The following FSTL5 variants were observed in gnomAD, a reference collection of about 807,000 sequenced individuals.
The protein encoded by FSTL5 is follistatin like 5.
Under a neutral mutation model 89.1 loss-of-function variants are expected in FSTL5, and 62 were observed. That is an observed-to-expected ratio of 0.70 (90% CI 0.57 to 0.86). The LOEUF is 0.86. Ranked by LOEUF, FSTL5 falls within the 40% of genes least tolerant of loss-of-function variation. The probability of loss-of-function intolerance (pLI) is 0.00; values close to 1 mark genes in which losing one functional copy is unlikely to be tolerated. For missense variants in FSTL5, 1,057 were observed against 1,001.6 expected, an observed-to-expected ratio of 1.06 and a Z score of -0.75; for synonymous variants, 383 against 346.2, an observed-to-expected ratio of 1.11 and a Z score of -1.18.
At chr4:161,765,029 A>G (rs1268202798) in intron 5 of FSTL5, among the ~76,000 whole-genome samples, 1 of 152,196 alleles carries the variant, frequency 6.6e-6, no homozygotes, top group African/African-American at 2.4e-5. Context: ...TTAAGTGATC[A>G]TTGTTGCTCT....
At chr4:161,950,995 C>G (rs1245079192) in intron 3 of FSTL5, among the ~76,000 whole-genome samples, 4 of 152,010 alleles carry the variant, frequency 2.6e-5, no homozygotes, top group Admixed American at 2.6e-4. Context: ...GTAATTCCCA[C>G]ATGTTGTGGA....
chr4:161,938,902 G>A (rs1053407066), intron 3 of FSTL5, among the ~76,000 whole-genome samples: 1 of 151,546 alleles, frequency 6.6e-6, no homozygotes, highest in Non-Finnish European at 1.5e-5. Context: ...CATAAGGCAC[G>A]GAACAGGTTT....
At chr4:161,992,886 ATATATATATATGTGTGTG>A (rs1736162996) in intron 3 of FSTL5, among the ~76,000 whole-genome samples, 1 of 16,508 alleles carries the variant, frequency 6.1e-5, no homozygotes, top group African/African-American at 1.3e-4. Context: ...ATATATATAT[ATATATATATATGTGTGTG>A]TATATATATA....
At chr4:161,797,168 A>G (rs1172184665) in intron 4 of FSTL5, among the ~76,000 whole-genome samples, 1 of 151,690 alleles carries the variant, frequency 6.6e-6, no homozygotes, top group African/African-American at 2.4e-5. Context: ...CAACATAAAC[A>G]CAAGATGTAA....
chr4:161,466,389 C>G (rs943908514), intron 13 of FSTL5, among the ~76,000 whole-genome samples: 1 of 152,166 alleles, frequency 6.6e-6, no homozygotes, highest in East Asian at 1.9e-4. Flanking sequence ...CAAAGATACA[C>G]AGAACTTGCG....
intron 7 of FSTL5, among the ~76,000 whole-genome samples, chr4:161,620,074 T>G (rs1735062476): frequency 6.6e-6 from 1 of 150,866 alleles, no homozygotes; most frequent in South Asian, 2.1e-4. Context: ...TCATTCTCAG[T>G]AAACTATCGC....
chr4:161,910,726 C>T (rs924107653), intron 4 of FSTL5, among the ~76,000 whole-genome samples: 1 of 152,022 alleles, frequency 6.6e-6, no homozygotes, highest in African/African-American at 2.4e-5. Context: ...CCCAAATTGA[C>T]CTTCCCTCTC....
At chr4:162,148,683 A>T (rs753848546) in intron 1 of FSTL5, among the ~76,000 whole-genome samples, 1 of 152,206 alleles carries the variant, frequency 6.6e-6, no homozygotes, top group Non-Finnish European at 1.5e-5. Context: ...TTATTGTGTT[A>T]ATCTTACACA....
chr4:161,491,831 C>A (rs1490029783), intron 12 of FSTL5, among the ~76,000 whole-genome samples: 1 of 128,050 alleles, frequency 7.8e-6, no homozygotes, highest in Non-Finnish European at 1.7e-5. Flanking sequence ...CAGAAGGAGA[C>A]TCTGTCTCAA....
intron 13 of FSTL5, 133 bp from the exon 14 acceptor site, chr4:161,459,452 C>T: frequency 1.9e-6 from 1 of 538,810 alleles, no homozygotes; most frequent in Non-Finnish European, 3.3e-6. Context: ...TTTCCTTAGC[C>T]CTTATTTGAT....
intron 12 of FSTL5, among the ~76,000 whole-genome samples, chr4:161,490,991 C>T (rs562979764): frequency 6.6e-6 from 1 of 151,844 alleles, no homozygotes; most frequent in Non-Finnish European, 1.5e-5. Context: ...AGCTCTGTAC[C>T]TACCTTCATT....
intron 4 of FSTL5, among the ~76,000 whole-genome samples, chr4:161,801,483 A>G (rs1477260804): frequency 2.0e-5 from 3 of 151,370 alleles, no homozygotes; most frequent in African/African-American, 4.8e-5. Flanking sequence ...CATCTTGGCA[A>G]TTTCATGAGA....
intron 8 of FSTL5, among the ~76,000 whole-genome samples, chr4:161,555,794 G>A (rs1344578499): frequency 1.3e-5 from 2 of 151,604 alleles, no homozygotes; most frequent in African/African-American, 2.4e-5. Context: ...CACATGTTTT[G>A]TTGTTTTTGA....
At chr4:161,924,788 G>T (rs142000255) in intron 3 of FSTL5, among the ~76,000 whole-genome samples, 12 of 151,764 alleles carry the variant, frequency 7.9e-5, no homozygotes, top group African/African-American at 2.4e-4. Context: ...TAAAGAGGGA[G>T]GGAAGAACCA....
intron 7 of FSTL5, among the ~76,000 whole-genome samples, chr4:161,595,760 T>C (rs1733993124): frequency 6.6e-6 from 1 of 151,946 alleles, no homozygotes; most frequent in African/African-American, 2.4e-5. Flanking sequence ...TAACCACAGG[T>C]TTTTAACCAT....
At chr4:161,486,284 T>C (rs2126461888) in intron 12 of FSTL5, among the ~76,000 whole-genome samples, 1 of 152,128 alleles carries the variant, frequency 6.6e-6, no homozygotes, top group Non-Finnish European at 1.5e-5. Flanking sequence ...ATAAATAAGG[T>C]GGCCTAACAT....
At chr4:162,044,228 C>T (rs1230464551) in intron 2 of FSTL5, among the ~76,000 whole-genome samples, 1 of 152,158 alleles carries the variant, frequency 6.6e-6, no homozygotes, top group Non-Finnish European at 1.5e-5. Context: ...TTCCTTGCTT[C>T]ATGTGCTACA....
At chr4:161,392,232 T>TA (rs1730844580) in intron 15 of FSTL5, among the ~76,000 whole-genome samples, 1 of 24,276 alleles carries the variant, frequency 4.1e-5, no homozygotes, top group African/African-American at 6.5e-5. Context: ...AAATTTTAAT[T>TA]AATTTTTTTT....
intron 7 of FSTL5, among the ~76,000 whole-genome samples, chr4:161,593,561 G>A (rs1187519493): frequency 6.6e-6 from 1 of 151,762 alleles, no homozygotes; most frequent in Non-Finnish European, 1.5e-5. Context: ...AGTCAAGGAA[G>A]AAGGGATGAG....
Sources: allele counts gnomAD v4.1 joint callset (sites outside exome capture counted in the v4.1 genomes callset), GRCh38; gene constraint gnomAD v4.1.1; transcripts MANE v1.5; gene names NCBI Gene and HGNC (gene_info 2026-07-23, HGNC 2026-07-21).